Variants in TRABD2B observed in about 807,000 individuals in gnomAD.
TRABD2B encodes metalloprotease TIKI2.
A neutral mutation model predicts 40.1 loss-of-function variants in TRABD2B; 14 were observed. That is an observed-to-expected ratio of 0.35 (90% CI 0.23 to 0.55). The LOEUF is 0.55. Ranked by LOEUF, TRABD2B falls within the 20% of genes least tolerant of loss-of-function variation. TRABD2B has a pLI of 0.90. For synonymous variants in TRABD2B, 263 were observed against 277.0 expected, an observed-to-expected ratio of 0.95 and a Z score of 0.50; for missense variants, 541 against 648.6, an observed-to-expected ratio of 0.83 and a Z score of 1.80.
intron 2 of TRABD2B, among the ~76,000 whole-genome samples, chr1:47,928,792 A>G (rs1042971490): frequency 1.3e-5 from 2 of 152,210 alleles, no homozygotes; most frequent in Non-Finnish European, 2.9e-5. Flanking sequence ...CCTCACTCTG[A>G]GCTCTTTCAG....
chr1:47,933,455 T>A (rs1333608092), intron 2 of TRABD2B, among the ~76,000 whole-genome samples: 2 of 152,160 alleles, frequency 1.3e-5, no homozygotes, highest in Non-Finnish European at 1.5e-5. Flanking sequence ...TTGGCAGCAA[T>A]GAGTTTCTGA....
At chr1:47,774,116 A>G (rs1644411603) in intron 6 of TRABD2B, among the ~76,000 whole-genome samples, 1 of 152,140 alleles carries the variant, frequency 6.6e-6, no homozygotes, top group East Asian at 1.9e-4. Context: ...TACACGCAAC[A>G]TACAGAGTCC....
At chr1:47,955,957 AGATGAATCTCT>A (rs1435294968) in intron 2 of TRABD2B, among the ~76,000 whole-genome samples, 2 of 152,174 alleles carry the variant, frequency 1.3e-5, no homozygotes, top group Non-Finnish European at 2.9e-5. Flanking sequence ...CTTGGCACAT[AGATGAATCTCT>A]GTATCCTGGC....
At chr1:47,866,667 G>T (rs553981075) in intron 2 of TRABD2B, among the ~76,000 whole-genome samples, 5 of 152,280 alleles carry the variant, frequency 3.3e-5, no homozygotes, top group Non-Finnish European at 7.4e-5. Context: ...TGGAATGAGG[G>T]TGAAGGATAA....
intron 2 of TRABD2B, among the ~76,000 whole-genome samples, chr1:47,805,433 C>G (rs1644878703): frequency 6.6e-6 from 1 of 152,164 alleles, no homozygotes; most frequent in East Asian, 1.9e-4. Context: ...GAAACCCAAG[C>G]CTATCATCCT....
At chr1:47,897,624 A>T (rs770394215) in intron 2 of TRABD2B, among the ~76,000 whole-genome samples, 1 of 152,204 alleles carries the variant, frequency 6.6e-6, no homozygotes, top group South Asian at 2.1e-4. Context: ...TCCTGTATTC[A>T]TCACCTTTCT....
intron 4 of TRABD2B, among the ~76,000 whole-genome samples, chr1:47,785,783 CTT>C (rs1254792535): frequency 6.6e-6 from 1 of 152,262 alleles, no homozygotes; most frequent in Non-Finnish European, 1.5e-5. Flanking sequence ...GTCAGTCACT[CTT>C]TACAACATCC....
At chr1:47,985,345 A>G (rs1373573922) in intron 2 of TRABD2B, among the ~76,000 whole-genome samples, 2 of 152,250 alleles carry the variant, frequency 1.3e-5, no homozygotes, top group Non-Finnish European at 1.5e-5. Flanking sequence ...GGGAGGTGGG[A>G]AGGAGCTTAA....
chr1:47,960,780 T>C (rs979663114), intron 2 of TRABD2B, among the ~76,000 whole-genome samples: 3 of 152,116 alleles, frequency 2.0e-5, no homozygotes, highest in Non-Finnish European at 4.4e-5. Context: ...AAAATGGCCA[T>C]ACTGCCCAAG....
chr1:47,778,688 G>A, intron 4 of TRABD2B, 144 bp from the exon 5 acceptor site: 1 of 659,642 alleles, frequency 1.5e-6, no homozygotes, highest in South Asian at 1.7e-5. Context: ...AGGCAGTATA[G>A]CATAGAAGGT....
chr1:47,835,326 T>C (rs78491022), intron 2 of TRABD2B, among the ~76,000 whole-genome samples: 1 of 149,578 alleles, frequency 6.7e-6, no homozygotes, highest in Non-Finnish European at 1.5e-5. Flanking sequence ...ATACTGGGAG[T>C]TCAAGAAGGA....
intron 5 of TRABD2B, 50 bp downstream of exon 5, chr1:47,778,404 G>A (rs767474020): frequency 1.5e-6 from 2 of 1,351,498 alleles, no homozygotes; most frequent in South Asian, 2.5e-5. Context: ...GAAAGCCTGG[G>A]CAGGAAGGCA....
At chr1:47,772,690 A>C (rs1471152994) in intron 6 of TRABD2B, among the ~76,000 whole-genome samples, 3 of 152,134 alleles carry the variant, frequency 2.0e-5, no homozygotes, top group Non-Finnish European at 4.4e-5. Flanking sequence ...GGTCACCCCC[A>C]GAGAGCTCTC....
intron 2 of TRABD2B, among the ~76,000 whole-genome samples, chr1:47,931,401 G>A (rs1645038206): frequency 6.6e-6 from 1 of 152,066 alleles, no homozygotes; most frequent in South Asian, 2.1e-4. Flanking sequence ...CGTGTGCTGA[G>A]AAGACCTTTG....
At chr1:47,990,769 T>TCA (rs1645991181) in intron 2 of TRABD2B, among the ~76,000 whole-genome samples, 1 of 64,304 alleles carries the variant, frequency 1.6e-5, no homozygotes, top group Non-Finnish European at 2.9e-5. Flanking sequence ...AAAACGTTGG[T>TCA]TTTATATATA....
chr1:47,944,792 A>T (rs200368666), intron 2 of TRABD2B, among the ~76,000 whole-genome samples: 1 of 152,318 alleles, frequency 6.6e-6, no homozygotes, highest in East Asian at 1.9e-4. Context: ...ACAGTAGAAG[A>T]TGTGATAAGC....
intron 2 of TRABD2B, among the ~76,000 whole-genome samples, chr1:47,810,354 G>A (rs1028025725): frequency 6.6e-6 from 1 of 152,072 alleles, no homozygotes; most frequent in Non-Finnish European, 1.5e-5. Flanking sequence ...ACAAGTTCGT[G>A]CCATCACCCC....
chr1:47,882,351 T>G (rs773475222), intron 2 of TRABD2B, among the ~76,000 whole-genome samples: 1 of 152,284 alleles, frequency 6.6e-6, no homozygotes, highest in African/African-American at 2.4e-5. Flanking sequence ...ATCTGCCCCC[T>G]GAGTCTGATT....
rs1406575616 is a variant in TRABD2B, at chr1:47,994,744, T to G, written c.103-147A>C. 1 of 688,240 alleles carries G rather than the reference T, an allele frequency of 1.5e-6. No homozygotes were observed. Among genetic ancestry groups the G allele is most frequent in the Non-Finnish European group, 2.4e-6 (1 of 418,122 alleles). 42.6% of individuals were successfully genotyped at this position (688,240 alleles called of 1,614,324 possible). Reference sequence around the variant, plus strand: ...GGTAAAGAGCCAGGTCTTTGGAGCCTGAAAGACCCACATTGAAAACCTAGC... The same window carrying G: ...GGTAAAGAGCCAGGTCTTTGGAGCCGGAAAGACCCACATTGAAAACCTAGC... On this transcript the variant is annotated intron_variant, in intron 1 of 6. Coordinates refer to ENST00000606738, the MANE Select transcript of TRABD2B (RefSeq NM_001194986.2). This position sits in a 1 kb window ranked among gnomAD's most constrained non-coding sequence, Gnocchi z 6.7.
Sources: allele counts gnomAD v4.1 joint callset (sites outside exome capture counted in the v4.1 genomes callset), GRCh38; gene constraint gnomAD v4.1.1; non-coding constraint Gnocchi (gnomAD v3.1); transcripts MANE v1.5; gene names NCBI Gene and HGNC (gene_info 2026-07-23, HGNC 2026-07-21).